STOX2: variants seen among roughly 807,000 people sequenced by gnomAD.
The protein encoded by STOX2 is storkhead-box protein 2.
In STOX2, 28 loss-of-function variants were observed where a neutral mutation model predicts 60.9. The ratio of observed to expected loss-of-function variants is 0.46; its 90% CI spans 0.34 to 0.63. The LOEUF (loss-of-function observed/expected upper bound fraction) is 0.63, where lower values mean the gene tolerates loss of function less well. STOX2 is among the 30% of genes least tolerant of loss of function. The probability of loss-of-function intolerance (pLI) is 0.01; values close to 1 mark genes in which losing one functional copy is unlikely to be tolerated. For missense variants in STOX2, 1,024 were observed against 1,187.7 expected, an observed-to-expected ratio of 0.86 and a Z score of 2.03; for synonymous variants, 472 against 463.9, an observed-to-expected ratio of 1.02 and a Z score of -0.22.
chr4:184,017,350 G>A lies in STOX2; in HGVS notation c.*66G>A. The A allele has an allele frequency of 7.3e-7, 1 of 1,377,358 alleles. No homozygotes were observed. The highest frequency in any genetic ancestry group is 9.7e-7 in the Non-Finnish European group (1 of 1,026,926). The allele number at this position is 1,377,358 out of a possible 1,614,324, so 85.3% of individuals were successfully genotyped here. A position where few individuals can be genotyped will look rare whatever the true frequency, so the allele number is the denominator to read the frequency against. On this transcript the variant is annotated 3_prime_UTR_variant, in exon 4 of 4. Coordinates refer to ENST00000308497, the MANE Select transcript of STOX2 (RefSeq NM_020225.3). ...CAAAGTTTACGACACTGGGACTGAT[G>A]TTTACATCTTTGGAAAGACAAGCAT...
At chr4:183,989,765 A>G (rs1305789087) in intron 1 of STOX2, among the ~76,000 whole-genome samples, 1 of 152,184 alleles carries the variant, frequency 6.6e-6, no homozygotes, top group African/African-American at 2.4e-5. Flanking sequence ...AGCTTTTTAA[A>G]AAAACATGAC....
rs78674600 is a variant in STOX2, at chr4:183,965,396, G to A, written c.167-35929G>A. Among the ~76,000 whole-genome samples the A allele has an allele frequency of 6.3e-3, 964 of 152,278 alleles. 13 individuals carry two copies. Among genetic ancestry groups the A allele is most frequent in the African/African-American group, 0.022 (905 of 41,568 alleles). On this transcript the variant is annotated intron_variant, in intron 1 of 3. Transcript: ENST00000308497. ...TGCAGAAGGTGTGCAATAAATGTTA[G>A]CATTCTTTATCTCCTGCTTGCATTT...
chr4:183,975,635 C>T (rs539357358), intron 1 of STOX2, among the ~76,000 whole-genome samples: 1 of 152,238 alleles, frequency 6.6e-6, no homozygotes, highest in African/African-American at 2.4e-5. Flanking sequence ...CCCTTTATAT[C>T]TCAATAAATT....
At chr4:183,878,934 T>A (rs1178668297) in intron 1 of STOX2, among the ~76,000 whole-genome samples, 13 of 137,712 alleles carry the variant, frequency 9.4e-5, no homozygotes, top group African/African-American at 3.4e-4. Flanking sequence ...TCATGGATAG[T>A]TTTTTTTTTT....
In STOX2 at chr4:183,906,594, G is replaced by A. The variant is rs1241182236; in HGVS notation, c.-197G>A. ...GCATTGTGGGACGTGTGTAAAATCG[G>A]AGCCTTCGCCGTGGGGGTGTGGGGG... On this transcript the variant is annotated 5_prime_UTR_variant, in exon 1 of 4. Transcript: ENST00000308497. 1.8e-6 allele frequency: 1 copy of A among 568,972 alleles called. No homozygotes were observed. The highest frequency in any genetic ancestry group is 3.0e-5 in the East Asian group (1 of 32,862). 35.2% of individuals were successfully genotyped at this position (568,972 alleles called of 1,614,324 possible). A position where few individuals can be genotyped will look rare whatever the true frequency, so the allele number is the denominator to read the frequency against.
In STOX2 at chr4:183,856,865, C is replaced by T. The variant is rs116390206; in HGVS notation, c.364+58810C>T. ...CTATGGGACCAAAACAGTCAGCTAC[C>T]AAGTCTTATTGAGAATTTACTTTGG... On this transcript the variant is annotated intron_variant, in intron 1 of 2. Coordinates refer to the STOX2 transcript ENST00000513034. The surrounding 1 kb of genome is among the most constrained non-coding windows in gnomAD (Gnocchi z 4.0). Among the ~76,000 whole-genome samples the T allele has an allele frequency of 1.6e-3, 247 of 152,202 alleles. 1 individual carries two copies. The highest frequency in any genetic ancestry group is 5.7e-3 in the African/African-American group (236 of 41,522).
chr4:183,962,741 A>G (rs949792120), intron 1 of STOX2, among the ~76,000 whole-genome samples: 1 of 152,214 alleles, frequency 6.6e-6, no homozygotes, highest in African/African-American at 2.4e-5. Context: ...CTCAGAAATA[A>G]TTGGGATTGG....
intron 1 of STOX2, among the ~76,000 whole-genome samples, chr4:183,964,831 G>T (rs1169659951): frequency 6.6e-6 from 1 of 152,026 alleles, no homozygotes. Context: ...TGATTCACCC[G>T]CCTTGGCCTC....
In STOX2 at chr4:183,830,013, G is replaced by A. The variant is rs953538965; in HGVS notation, c.364+31958G>A. ...CAGGTATGAGTGATGGGGTAGAATC[G>A]GCGAATCCTTTAGATCTTTACTGCA... On this transcript the variant is annotated intron_variant, in intron 1 of 2. Coordinates refer to the STOX2 transcript ENST00000513034. 9.2e-5 allele frequency among the ~76,000 whole-genome samples: 14 copies of A among 152,234 alleles called. No homozygotes were observed. The South Asian group carries it at 1.0e-3, about 11-fold the overall frequency.
At chr4:183,895,697 C>T (rs1420047742) in intron 1 of STOX2, among the ~76,000 whole-genome samples, 1 of 152,068 alleles carries the variant, frequency 6.6e-6, no homozygotes, top group Non-Finnish European at 1.5e-5. Context: ...AATTTTGGTA[C>T]CCCAGTACCT....
At chr4:183,955,154 G>A (rs944098648) in intron 1 of STOX2, among the ~76,000 whole-genome samples, 4 of 152,116 alleles carry the variant, frequency 2.6e-5, no homozygotes, top group African/African-American at 9.7e-5. Context: ...GGTAGCCTAA[G>A]GGAAATTTAG....
At chr4:183,990,442 C>G (rs1354699575) in intron 1 of STOX2, among the ~76,000 whole-genome samples, 1 of 152,100 alleles carries the variant, frequency 6.6e-6, no homozygotes, top group East Asian at 1.9e-4. Flanking sequence ...ATATTCCCAC[C>G]TAAATTGTAA....
chr4:183,994,505 AAT>A (rs1733248623), intron 1 of STOX2, among the ~76,000 whole-genome samples: 1 of 152,172 alleles, frequency 6.6e-6, no homozygotes. Context: ...TGAGTGTTAA[AAT>A]AGTGTCCCCA....
At chr4:184,007,703 G>A (rs1433587155) in intron 2 of STOX2, among the ~76,000 whole-genome samples, 1 of 152,182 alleles carries the variant, frequency 6.6e-6, no homozygotes, top group Admixed American at 6.5e-5. Context: ...CACAATCTCA[G>A]CAGGATTGGT....
chr4:183,905,636 T>A lies in STOX2; in HGVS notation c.-1155T>A, dbSNP rs1336759795. ...GGACCATCCTAAAAATATGTAAATA[T>A]CCAAGCGCTGGCTCCAGGCTGGGGC... On this transcript the variant is annotated 5_prime_UTR_variant, in exon 1 of 4. Coordinates refer to ENST00000308497, the MANE Select transcript of STOX2 (RefSeq NM_020225.3). 1.3e-5 allele frequency: 2 copies of A among 152,228 alleles called. No individual in the cohort carries two copies. The highest frequency in any genetic ancestry group is 3.9e-4 in the East Asian group (2 of 5,162). 9.4% of individuals were successfully genotyped at this position (152,228 alleles called of 1,614,324 possible). A position where few individuals can be genotyped will look rare whatever the true frequency, so the allele number is the denominator to read the frequency against.
chr4:183,839,962 G>A (rs1349391442), intron 1 of STOX2, among the ~76,000 whole-genome samples: 2 of 152,118 alleles, frequency 1.3e-5, no homozygotes, highest in African/African-American at 2.4e-5. Flanking sequence ...TTTGTAAAAT[G>A]TTGCCTTCGA....
At chr4:183,855,195 T>G (rs1047255157) in intron 1 of STOX2, among the ~76,000 whole-genome samples, 3 of 152,224 alleles carry the variant, frequency 2.0e-5, no homozygotes, top group Non-Finnish European at 4.4e-5. Flanking sequence ...TTACTTTGGG[T>G]GTTTAATTCT....
rs983716945 is a variant in STOX2 at position 184,009,823 on chromosome 4, C to T, written c.985C>T (p.Arg329Trp). The change falls in exon 3 of 4, where the codon CGG becomes TGG. Residue 329 changes from arginine (R) to tryptophan (W), a missense_variant. By Grantham distance (101) the Arg-to-Trp change is moderately radical. Coordinates refer to ENST00000308497, the MANE Select transcript of STOX2 (RefSeq NM_020225.3). This position sits in a 1 kb window ranked among gnomAD's most constrained non-coding sequence, Gnocchi z 4.0. ...AGACCTGACCGTGGAAAATGTCATG[C>T]GGCACACCGCGCTCATGAAGAAACT... ...NPDLTVENVMRHTALMKKLEE... is the reference protein window; with the variant it reads ...NPDLTVENVMWHTALMKKLEE... 3 of 1,611,194 alleles carry T rather than the reference C, an allele frequency of 1.9e-6. No individual in the cohort carries two copies. Among genetic ancestry groups the T allele is most frequent in the South Asian group, 1.1e-5 (1 of 90,470 alleles).
At chr4:183,830,027 A>G (rs1374768589) in intron 1 of STOX2, among the ~76,000 whole-genome samples, 1 of 152,080 alleles carries the variant, frequency 6.6e-6, no homozygotes, top group Non-Finnish European at 1.5e-5. Context: ...AATCCTTTAG[A>G]TCTTTACTGC....
Sources: gnomAD v4.1 joint callset for allele counts (sites outside exome capture counted in the v4.1 genomes callset) on GRCh38, gnomAD v4.1.1 for gene constraint, Gnocchi (gnomAD v3.1) non-coding constraint, MANE v1.5 for transcripts, NCBI Gene and HGNC (gene_info 2026-07-23, HGNC 2026-07-21) for gene names.